Variants in LUZP2 observed in about 807,000 individuals in gnomAD.
The protein encoded by LUZP2 is leucine zipper protein 2.
Under a neutral mutation model 51.6 loss-of-function variants are expected in LUZP2, and 52 were observed. The observed-to-expected ratio is 1.01, with a 90% CI of 0.81 to 1.27. The LOEUF (loss-of-function observed/expected upper bound fraction) is 1.27. LUZP2 is among the 50% of genes most tolerant of loss of function. The pLI, the probability that LUZP2 is intolerant of heterozygous loss-of-function variation, is 0.00. For synonymous variants in LUZP2, 154 were observed against 137.3 expected (o/e 1.12, Z -0.85); for missense variants, 436 against 395.4 (o/e 1.10, Z -0.87).
intron 7 of LUZP2, among the ~76,000 whole-genome samples, chr11:24,920,066 G>T (rs1010600290): frequency 6.6e-6 from 1 of 151,686 alleles, no homozygotes; most frequent in Non-Finnish European, 1.5e-5. Flanking sequence ...AAAGATTTAA[G>T]TCACTTGATT....
chr11:24,833,359 A>G (rs1039800676), intron 5 of LUZP2, among the ~76,000 whole-genome samples: 1 of 152,132 alleles, frequency 6.6e-6, no homozygotes, highest in Non-Finnish European at 1.5e-5. Flanking sequence ...AAACATCACC[A>G]CTATTAATTT....
At chr11:24,748,792 A>C (rs1465259300) in intron 4 of LUZP2, among the ~76,000 whole-genome samples, 1 of 152,158 alleles carries the variant, frequency 6.6e-6, no homozygotes, top group Non-Finnish European at 1.5e-5. Flanking sequence ...ACATATCAGT[A>C]TATATTTATG....
At position 24,775,885 on chromosome 11, in the gene LUZP2, G is replaced by A. The variant is rs981361293; in HGVS notation, c.396+12577G>A. Among the ~76,000 whole-genome samples, 6 of 152,234 alleles carry A rather than the reference G, an allele frequency of 3.9e-5. No individual in the cohort carries two copies. In the East Asian group the frequency reaches 9.6e-4, roughly 24 times the overall value. ...TCAAAATGTGGTTAATTTAGTACAAGAGAAAACTATGCATGTTAGACATTT... is the reference window on the plus strand; with the variant it reads ...TCAAAATGTGGTTAATTTAGTACAAAAGAAAACTATGCATGTTAGACATTT... On this transcript the variant is annotated intron_variant, in intron 5 of 11. Transcript: ENST00000336930.
intron 7 of LUZP2, among the ~76,000 whole-genome samples, chr11:24,957,083 A>G (rs1366248805): frequency 6.6e-6 from 1 of 152,126 alleles, no homozygotes; most frequent in Non-Finnish European, 1.5e-5. Flanking sequence ...ATTTGTAGGT[A>G]TACTAAGGGC....
chr11:24,685,638 AT>A (rs1173543912), intron 1 of LUZP2, among the ~76,000 whole-genome samples: 3 of 152,108 alleles, frequency 2.0e-5, no homozygotes, highest in African/African-American at 4.8e-5. Context: ...GAATCTACTC[AT>A]TCCACTCCTG....
chr11:24,506,814 G>A (rs1850159040), intron 1 of LUZP2, among the ~76,000 whole-genome samples: 1 of 151,910 alleles, frequency 6.6e-6, no homozygotes, highest in African/African-American at 2.4e-5. Flanking sequence ...CTAAAAATTG[G>A]CCAGACCCTA....
At chr11:24,980,357 C>T (rs1855992801) in intron 8 of LUZP2, among the ~76,000 whole-genome samples, 2 of 151,698 alleles carry the variant, frequency 1.3e-5, no homozygotes, top group South Asian at 4.1e-4. Flanking sequence ...CTTAAGATCA[C>T]ATATGAGAAA....
At chr11:24,811,346 C>T (rs368444926) in intron 5 of LUZP2, among the ~76,000 whole-genome samples, 4 of 152,032 alleles carry the variant, frequency 2.6e-5, no homozygotes, top group Non-Finnish European at 5.9e-5. Context: ...TACACTAATC[C>T]CCCCCTTAAT....
chr11:24,838,247 A>T (rs1850915487), intron 5 of LUZP2, among the ~76,000 whole-genome samples: 1 of 151,686 alleles, frequency 6.6e-6, no homozygotes. Context: ...TGCCATTAAT[A>T]GTCATAGCAA....
intron 10 of LUZP2, among the ~76,000 whole-genome samples, chr11:25,062,130 G>C (rs78583570): frequency 0.057 from 8,551 of 150,898 alleles, 827 homozygotes; most frequent in African/African-American, 0.19. Flanking sequence ...AAAAAGGAGG[G>C]AGACAGGAGA....
chr11:24,578,656 T>C (rs1852743178), intron 1 of LUZP2, among the ~76,000 whole-genome samples: 1 of 151,916 alleles, frequency 6.6e-6, no homozygotes, highest in African/African-American at 2.4e-5. Context: ...CTGGAGGCCT[T>C]ATCCTAAAAA....
intron 5 of LUZP2, among the ~76,000 whole-genome samples, chr11:24,806,041 G>C (rs1849847595): frequency 6.6e-6 from 1 of 152,174 alleles, no homozygotes; most frequent in Non-Finnish European, 1.5e-5. Flanking sequence ...TGAAATACTA[G>C]TGTTGGAAGA....
chr11:24,615,026 A>T (rs1417170099), intron 1 of LUZP2, among the ~76,000 whole-genome samples: 3 of 152,022 alleles, frequency 2.0e-5, no homozygotes, highest in African/African-American at 7.2e-5. Flanking sequence ...TGAAATTTCA[A>T]TTTTGAAATC....
At chr11:24,510,600 C>A (rs901340571) in intron 1 of LUZP2, among the ~76,000 whole-genome samples, 1 of 152,272 alleles carries the variant, frequency 6.6e-6, no homozygotes, top group African/African-American at 2.4e-5. Flanking sequence ...CAGCTGCATT[C>A]TAACTTTCAT....
chr11:24,800,319 T>C (rs1849661991), intron 5 of LUZP2, among the ~76,000 whole-genome samples: 1 of 152,156 alleles, frequency 6.6e-6, no homozygotes, highest in Non-Finnish European at 1.5e-5. Context: ...CCACGCTAGA[T>C]TGTCTGTCAC....
chr11:24,817,230 T>G (rs1850215401), intron 5 of LUZP2, among the ~76,000 whole-genome samples: 1 of 152,016 alleles, frequency 6.6e-6, no homozygotes, highest in Non-Finnish European at 1.5e-5. Context: ...AACAACAAGT[T>G]ATTAATAACA....
At chr11:25,076,754 AT>A (rs67176646) in intron 10 of LUZP2, among the ~76,000 whole-genome samples, 117,706 of 132,182 alleles carry the variant, frequency 0.89, 53,320 homozygotes, top group East Asian at 0.99. Flanking sequence ...TTTTTAATTT[AT>A]TTTTTTTTTT....
chr11:24,880,974 A>G (rs2134293425), intron 5 of LUZP2, among the ~76,000 whole-genome samples: 1 of 152,302 alleles, frequency 6.6e-6, no homozygotes, highest in African/African-American at 2.4e-5. Flanking sequence ...ATTGCTGCAC[A>G]CATGCAATTT....
chr11:25,033,582 C>T (rs1180830819), intron 9 of LUZP2, among the ~76,000 whole-genome samples: 1 of 151,956 alleles, frequency 6.6e-6, no homozygotes, highest in Non-Finnish European at 1.5e-5. Flanking sequence ...CACATTCCTT[C>T]CAACTTCCAG....
Sources: allele counts gnomAD v4.1 joint callset (sites outside exome capture counted in the v4.1 genomes callset), GRCh38; gene constraint gnomAD v4.1.1; transcripts MANE v1.5; gene names NCBI Gene and HGNC (gene_info 2026-07-23, HGNC 2026-07-21).